The following RASA3 variants were observed in gnomAD, a reference collection of about 807,000 sequenced individuals.
RASA3 encodes RAS p21 protein activator 3.
A neutral mutation model predicts 110.0 loss-of-function variants in RASA3; 73 were observed. The observed-to-expected ratio is 0.66, with a 90% CI of 0.55 to 0.81. The LOEUF is 0.81. RASA3 is among the 30% of genes least tolerant of loss of function. The pLI is 0.00. For synonymous variants in RASA3, 500 were observed against 451.4 expected (o/e 1.11, Z -1.37); for missense variants, 976 against 1,113.2 (o/e 0.88, Z 1.75).
At position 113,981,984 on chromosome 13, in the gene RASA3, G is replaced by A. The variant is rs535123085; in HGVS notation, c.2246-126C>T. 1.1e-5 allele frequency: 9 copies of A among 829,842 alleles called. No individual in the cohort carries two copies. In the African/African-American group the frequency reaches 1.2e-4, roughly 11 times the overall value. 51.4% of individuals were successfully genotyped at this position (829,842 alleles called of 1,614,324 possible). ...TTCCAACGCAAGCTCCTCCAGAAAGGGCTGACCACCACTCGTAAACGCAGA... is the reference window on the plus strand; with the variant it reads ...TTCCAACGCAAGCTCCTCCAGAAAGAGCTGACCACCACTCGTAAACGCAGA... On this transcript the variant is annotated intron_variant, in intron 22 of 23. Transcript: ENST00000334062.
chr13:114,107,306 G>A (rs909787304), intron 1 of RASA3, among the ~76,000 whole-genome samples: 9 of 132,818 alleles, frequency 6.8e-5, no homozygotes, highest in East Asian at 3.9e-4. Context: ...TGACCCTTGC[G>A]GGGGACGGGC....
chr13:114,017,205 G>A (rs200050527), intron 12 of RASA3, 32 bp downstream of exon 12: 839 of 1,574,720 alleles, frequency 5.3e-4, no homozygotes, highest in Non-Finnish European at 6.6e-4. Context: ...CCCACGCCTC[G>A]TGAGGCTGAG....
chr13:114,013,383 C>CTCTCCCTCTCTCTG (rs146849472), intron 14 of RASA3, 135 bp from the exon 15 acceptor site: 356,673 of 553,640 alleles, frequency 0.64, 118,649 homozygotes, highest in African/African-American at 0.8. Context: ...GTGTCTGTCT[C>CTCTCCCTCTCTCTG]TCTCCCTCTC....
chr13:114,080,854 C>G (rs1225305809), intron 1 of RASA3, among the ~76,000 whole-genome samples: 1 of 152,118 alleles, frequency 6.6e-6, no homozygotes, highest in African/African-American at 2.4e-5. Context: ...ACCTAGAACA[C>G]CAATAGTGCC....
chr13:114,007,479 C>G, intron 18 of RASA3, 54 bp downstream of exon 18: 2 of 1,239,616 alleles, frequency 1.6e-6, no homozygotes, highest in Non-Finnish European at 2.3e-6. Context: ...CTGCTGGACA[C>G]CACCTTACCC....
chr13:113,999,204 T>C (rs1255733149), intron 20 of RASA3, among the ~76,000 whole-genome samples: 3 of 152,094 alleles, frequency 2.0e-5, no homozygotes, highest in African/African-American at 7.2e-5. Context: ...TTCTATAAAT[T>C]CAAAATTATA....
At chr13:114,109,906 G>A (rs549492658) in intron 1 of RASA3, among the ~76,000 whole-genome samples, 2 of 152,312 alleles carry the variant, frequency 1.3e-5, no homozygotes, top group South Asian at 2.1e-4. Flanking sequence ...GCAGCCCCCA[G>A]AACACCCTTG....
chr13:114,061,524 A>AG (rs1440196908), intron 2 of RASA3, among the ~76,000 whole-genome samples: 6 of 151,822 alleles, frequency 4.0e-5, no homozygotes, highest in Non-Finnish European at 8.8e-5. Flanking sequence ...CAAAAAAAAA[A>AG]AAAATTACTG....
chr13:114,054,471 G>A (rs1039021864), intron 2 of RASA3, among the ~76,000 whole-genome samples: 3 of 152,160 alleles, frequency 2.0e-5, no homozygotes, highest in Non-Finnish European at 4.4e-5. Context: ...CCAGGTGGGA[G>A]GGGCCCAGAG....
intron 22 of RASA3, among the ~76,000 whole-genome samples, chr13:113,990,247 C>T (rs2053076105): frequency 6.6e-6 from 1 of 152,070 alleles, no homozygotes; most frequent in South Asian, 2.1e-4. Context: ...ACTAATACAC[C>T]AGGCTATGGG....
chr13:114,059,008 G>C (rs1401408804), intron 2 of RASA3, among the ~76,000 whole-genome samples: 1 of 152,140 alleles, frequency 6.6e-6, no homozygotes, highest in Non-Finnish European at 1.5e-5. Context: ...GATCAACCTG[G>C]GCAACATAGC....
rs928107244 is a variant in RASA3 at position 114,114,185 on chromosome 13, G to A, written c.55+18250C>T. Among the ~76,000 whole-genome samples the A allele has an allele frequency of 2.6e-5, 4 of 152,366 alleles. No individual in the cohort carries two copies. Among genetic ancestry groups the A allele is most frequent in the Admixed American group, 1.3e-4 (2 of 15,308 alleles). ...CCACCCCACCACGGTGAGCGTCTGCGATGTCCGTGCAGGGGAGAGAGACCT... is the reference window on the plus strand; with the variant it reads ...CCACCCCACCACGGTGAGCGTCTGCAATGTCCGTGCAGGGGAGAGAGACCT... On this transcript the variant is annotated intron_variant, in intron 1 of 23. Coordinates refer to ENST00000334062, the MANE Select transcript of RASA3 (RefSeq NM_007368.4). This position sits in a 1 kb window ranked among gnomAD's most constrained non-coding sequence, Gnocchi z 4.8.
chr13:114,042,069 G>A (rs940601722), intron 3 of RASA3, among the ~76,000 whole-genome samples: 1 of 152,244 alleles, frequency 6.6e-6, no homozygotes, highest in Non-Finnish European at 1.5e-5. Flanking sequence ...TACAATATAC[G>A]TTTACCTAGT....
intron 7 of RASA3, 92 bp downstream of exon 7, chr13:114,027,297 G>C: frequency 2.7e-6 from 3 of 1,125,934 alleles, no homozygotes; most frequent in Non-Finnish European, 3.9e-6. Flanking sequence ...CTTCCAGAGG[G>C]AAGAGACTGA....
intron 1 of RASA3, among the ~76,000 whole-genome samples, chr13:114,110,498 C>T (rs2080202282): frequency 6.6e-6 from 1 of 152,228 alleles, no homozygotes; most frequent in Non-Finnish European, 1.5e-5. Context: ...TGCATGACCC[C>T]TGGCCCTACA....
At chr13:113,982,645 G>A (rs2052962600) in intron 22 of RASA3, among the ~76,000 whole-genome samples, 1 of 152,264 alleles carries the variant, frequency 6.6e-6, no homozygotes, top group Non-Finnish European at 1.5e-5. Flanking sequence ...CCGATGCCCT[G>A]CAGCTGTGTC....
chr13:114,129,088 G>A (rs1047732975), intron 1 of RASA3, among the ~76,000 whole-genome samples: 3 of 152,226 alleles, frequency 2.0e-5, no homozygotes, highest in Non-Finnish European at 4.4e-5. Flanking sequence ...CCTTGGGGGC[G>A]GGGGCCCCAA....
chr13:114,116,518 C>A (rs1456699192), intron 1 of RASA3, among the ~76,000 whole-genome samples: 1 of 117,028 alleles, frequency 8.5e-6, no homozygotes, highest in Non-Finnish European at 2.1e-5. Flanking sequence ...CACCTTACGG[C>A]ACACGAACCC....
chr13:113,990,265 A>G (rs1210814234), intron 22 of RASA3, among the ~76,000 whole-genome samples: 5 of 151,948 alleles, frequency 3.3e-5, no homozygotes, highest in Admixed American at 2.6e-4. Context: ...GGGGATGGTG[A>G]GGTTGGGAAG....
Sources: allele counts gnomAD v4.1 joint callset (sites outside exome capture counted in the v4.1 genomes callset), GRCh38; gene constraint gnomAD v4.1.1; non-coding constraint Gnocchi (gnomAD v3.1); transcripts MANE v1.5; gene names NCBI Gene and HGNC (gene_info 2026-07-23, HGNC 2026-07-21).